Variants in NOS1AP observed in about 807,000 individuals in gnomAD.
NOS1AP encodes the protein carboxyl-terminal PDZ ligand of neuronal nitric oxide synthase protein.
NOS1AP carries 21 observed loss-of-function variants against 56.2 expected under a neutral mutation model. The observed-to-expected ratio is 0.37, with a 90% CI of 0.26 to 0.54. The LOEUF is 0.54. Among genes scored for constraint, NOS1AP ranks in the 20% least tolerant of loss-of-function variants. The pLI, the probability that NOS1AP is intolerant of heterozygous loss-of-function variation, is 0.84. For synonymous variants in NOS1AP, 270 were observed against 274.6 expected, an observed-to-expected ratio of 0.98 and a Z score of 0.17; for missense variants, 522 against 657.8, an observed-to-expected ratio of 0.79 and a Z score of 2.26.
At chr1:162,070,425 CCTT>C in intron 1 of NOS1AP, 143 bp downstream of exon 1, 1 of 679,678 alleles carries the variant, frequency 1.5e-6, no homozygotes, top group Non-Finnish European at 2.6e-6. Flanking sequence ...GGTAACTCTC[CCTT>C]CTGAGTCTAT....
intron 3 of NOS1AP, among the ~76,000 whole-genome samples, chr1:162,294,024 TAG>T (rs1486775016): frequency 6.6e-6 from 1 of 152,184 alleles, no homozygotes; most frequent in Non-Finnish European, 1.5e-5. Context: ...TGTGTTAGTC[TAG>T]GTCCTGTGAG....
At chr1:162,122,771 T>C (rs1015831674) in intron 1 of NOS1AP, among the ~76,000 whole-genome samples, 2 of 152,118 alleles carry the variant, frequency 1.3e-5, no homozygotes, top group Non-Finnish European at 2.9e-5. Context: ...TCCCAAAGTG[T>C]TGGGGTTACA....
intron 5 of NOS1AP, among the ~76,000 whole-genome samples, chr1:162,340,772 G>T (rs1227612689): frequency 1.3e-5 from 2 of 152,170 alleles, no homozygotes; most frequent in African/African-American, 4.8e-5. Context: ...GGGGAATCAG[G>T]TAGAGGTTAG....
intron 2 of NOS1AP, among the ~76,000 whole-genome samples, chr1:162,233,834 A>G (rs1430711297): frequency 6.6e-6 from 1 of 152,170 alleles, no homozygotes; most frequent in Non-Finnish European, 1.5e-5. Context: ...CTCGTATGAG[A>G]TGTTTAACCT....
chr1:162,319,433 A>G (rs1030592995), intron 4 of NOS1AP, among the ~76,000 whole-genome samples: 7 of 151,964 alleles, frequency 4.6e-5, no homozygotes, highest in African/African-American at 1.7e-4. Flanking sequence ...TGAGCCCACA[A>G]GGTGAAGTCT....
intron 3 of NOS1AP, among the ~76,000 whole-genome samples, chr1:162,293,023 G>A (rs1655328080): frequency 6.6e-6 from 1 of 152,200 alleles, no homozygotes; most frequent in South Asian, 2.1e-4. Context: ...GTGTTTCTTG[G>A]CCTTCTTTAT....
intron 5 of NOS1AP, among the ~76,000 whole-genome samples, chr1:162,342,104 T>A (rs1383682783): frequency 2.0e-5 from 3 of 152,200 alleles, no homozygotes; most frequent in Non-Finnish European, 4.4e-5. Context: ...TAAGGGTAGA[T>A]GTAGAAAACA....
At chr1:162,218,515 T>A (rs1184266136) in intron 2 of NOS1AP, among the ~76,000 whole-genome samples, 1 of 152,226 alleles carries the variant, frequency 6.6e-6, no homozygotes, top group Non-Finnish European at 1.5e-5. Flanking sequence ...CCACTCCTGC[T>A]ATCACCCTGC....
At chr1:162,304,243 A>G (rs957307759) in intron 4 of NOS1AP, among the ~76,000 whole-genome samples, 1 of 151,832 alleles carries the variant, frequency 6.6e-6, no homozygotes, top group South Asian at 2.1e-4. Context: ...ATGGATGTCC[A>G]GTTGTTCTAG....
chr1:162,319,195 GAA>G (rs1255972800), intron 4 of NOS1AP, among the ~76,000 whole-genome samples: 2 of 152,180 alleles, frequency 1.3e-5, no homozygotes, highest in Middle Eastern at 6.3e-3. Flanking sequence ...CTTGAGCATT[GAA>G]AGACTCACCC....
At chr1:162,331,682 G>C (rs560588295) in intron 4 of NOS1AP, among the ~76,000 whole-genome samples, 1 of 152,290 alleles carries the variant, frequency 6.6e-6, no homozygotes, top group South Asian at 2.1e-4. Context: ...CATCAGTGTT[G>C]TTAGTGGTGA....
At chr1:162,348,480 A>G (rs763639933) in intron 6 of NOS1AP, among the ~76,000 whole-genome samples, 1 of 152,198 alleles carries the variant, frequency 6.6e-6, no homozygotes, top group Non-Finnish European at 1.5e-5. Context: ...TCTCATTTAT[A>G]TTACCTTTTT....
chr1:162,353,880 G>C (rs1412795103), intron 6 of NOS1AP, among the ~76,000 whole-genome samples: 1 of 152,222 alleles, frequency 6.6e-6, no homozygotes, highest in African/African-American at 2.4e-5. Flanking sequence ...AAAGCAGGCT[G>C]CTCCCTGTGC....
At chr1:162,215,207 C>T (rs1652523471) in intron 2 of NOS1AP, among the ~76,000 whole-genome samples, 1 of 152,196 alleles carries the variant, frequency 6.6e-6, no homozygotes, top group Non-Finnish European at 1.5e-5. Context: ...CCTGAGCACC[C>T]CTAGCCTCGG....
intron 4 of NOS1AP, among the ~76,000 whole-genome samples, chr1:162,311,146 C>G (rs1449720007): frequency 6.6e-6 from 1 of 152,118 alleles, no homozygotes. Flanking sequence ...GCCTTGCTTT[C>G]CACCACTTAC....
At chr1:162,136,577 G>A (rs1383286836) in intron 1 of NOS1AP, among the ~76,000 whole-genome samples, 1 of 152,122 alleles carries the variant, frequency 6.6e-6, no homozygotes, top group East Asian at 1.9e-4. Flanking sequence ...ATGATACCCT[G>A]GGCTTACTCT....
At chr1:162,072,661 C>G (rs1691683951) in intron 1 of NOS1AP, among the ~76,000 whole-genome samples, 1 of 152,140 alleles carries the variant, frequency 6.6e-6, no homozygotes, top group African/African-American at 2.4e-5. Context: ...GTCCTAACTC[C>G]CAGATCTTTG....
At chr1:162,158,117 C>T (rs74525797) in intron 2 of NOS1AP, among the ~76,000 whole-genome samples, 2,939 of 152,256 alleles carry the variant, frequency 0.019, 112 homozygotes, top group African/African-American at 0.067. Context: ...TTTCATCTTG[C>T]AAAATGGACA....
intron 2 of NOS1AP, among the ~76,000 whole-genome samples, chr1:162,266,084 T>C (rs1654412341): frequency 6.6e-6 from 1 of 152,170 alleles, no homozygotes; most frequent in Admixed American, 6.5e-5. Context: ...ATTTCTATTT[T>C]TGTCCCATTG....
Sources: gnomAD v4.1 joint callset for allele counts (sites outside exome capture counted in the v4.1 genomes callset) on GRCh38, gnomAD v4.1.1 for gene constraint, MANE v1.5 for transcripts, NCBI Gene and HGNC (gene_info 2026-07-23, HGNC 2026-07-21) for gene names.